Variants in CADM2 observed in about 807,000 individuals in gnomAD.
The protein encoded by CADM2 is cell adhesion molecule 2.
Under a neutral mutation model 49.8 loss-of-function variants are expected in CADM2, and 12 were observed. The observed-to-expected ratio is 0.24, with a 90% CI of 0.15 to 0.39. The LOEUF (loss-of-function observed/expected upper bound fraction) is 0.39, where lower values mean the gene tolerates loss of function less well. CADM2 is among the 10% of genes least tolerant of loss of function. CADM2 has a pLI of 1.00. For synonymous variants in CADM2, 214 were observed against 175.4 expected, an observed-to-expected ratio of 1.22 and a Z score of -1.74; for missense variants, 378 against 492.3, an observed-to-expected ratio of 0.77 and a Z score of 2.20.
chr3:85,329,520 A>T (rs2107143289), intron 1 of CADM2, among the ~76,000 whole-genome samples: 1 of 152,146 alleles, frequency 6.6e-6, no homozygotes, highest in East Asian at 1.9e-4. Context: ...CAGTGAGCCG[A>T]GATTGCACGG....
chr3:85,171,736 T>A (rs917843230), intron 1 of CADM2, among the ~76,000 whole-genome samples: 3 of 152,236 alleles, frequency 2.0e-5, no homozygotes, highest in Non-Finnish European at 4.4e-5. Flanking sequence ...CATGTTTTTC[T>A]CATTTTAGCC....
chr3:85,111,573 A>G (rs555084708), intron 1 of CADM2, among the ~76,000 whole-genome samples: 118 of 152,014 alleles, frequency 7.8e-4, no homozygotes, highest in Non-Finnish European at 1.4e-3. Flanking sequence ...AAATCAATTG[A>G]ACTCACAGAC....
intron 1 of CADM2, among the ~76,000 whole-genome samples, chr3:85,004,610 C>G (rs1407925836): frequency 6.6e-6 from 1 of 151,130 alleles, no homozygotes; most frequent in Non-Finnish European, 1.5e-5. Context: ...TCTTGGTAGA[C>G]CAATATCTGA....
At position 84,975,398 on chromosome 3, in the gene CADM2, A is replaced by G. The variant is rs544288213; in HGVS notation, c.61+15730A>G. 3.9e-5 allele frequency among the ~76,000 whole-genome samples: 6 copies of G among 151,902 alleles called. No individual in the cohort carries two copies. In the East Asian group the frequency reaches 1.2e-3, roughly 29 times the overall value. On this transcript the variant is annotated intron_variant, in intron 1 of 9. Coordinates refer to ENST00000383699, the MANE Select transcript of CADM2 (RefSeq NM_001167675.2). Reference sequence around the variant, plus strand: ...TAAGGGATTGCATTTTTTTTCATCAAAAATCATCCGGTGTACTGTATAAGC... The same window carrying G: ...TAAGGGATTGCATTTTTTTTCATCAGAAATCATCCGGTGTACTGTATAAGC...
intron 1 of CADM2, among the ~76,000 whole-genome samples, chr3:85,144,990 C>A (rs1175542298): frequency 6.6e-6 from 1 of 152,058 alleles, no homozygotes; most frequent in Non-Finnish European, 1.5e-5. Flanking sequence ...ACACTTTGTA[C>A]CTCTTTCTAA....
chr3:85,872,392 T>C (rs1464624070), intron 3 of CADM2, among the ~76,000 whole-genome samples: 1 of 152,210 alleles, frequency 6.6e-6, no homozygotes, highest in East Asian at 1.9e-4. Flanking sequence ...CAATGTGTTC[T>C]TTTATTGTGA....
intron 1 of CADM2, among the ~76,000 whole-genome samples, chr3:85,281,744 G>T (rs542118934): frequency 1.3e-5 from 2 of 152,180 alleles, no homozygotes; most frequent in South Asian, 4.1e-4. Flanking sequence ...TCTCAAGATG[G>T]TTGAGTAGTT....
At chr3:85,043,307 C>A (rs1328889954) in intron 1 of CADM2, among the ~76,000 whole-genome samples, 1 of 151,852 alleles carries the variant, frequency 6.6e-6, no homozygotes, top group Non-Finnish European at 1.5e-5. Flanking sequence ...TTGAAATAAT[C>A]AATATGCCAA....
chr3:86,014,100 A>T lies in CADM2; in HGVS notation c.971-51505A>T, dbSNP rs1184430233. ...AGAAAGGGGTAAAGAACTGAAGGAA[A>T]TCTGCCATTTTCAGTGGACACGCAG... is the stretch of plus-strand genomic sequence containing the variant. On this transcript the variant is annotated intron_variant, in intron 8 of 9. Transcript: ENST00000383699. The T allele has an allele frequency of 7.0e-6, 9 of 1,290,104 alleles. No individual in the cohort carries two copies. The African/African-American group carries it at 1.0e-4, about 15-fold the overall frequency. 79.9% of individuals were successfully genotyped at this position (1,290,104 alleles called of 1,614,324 possible).
intron 1 of CADM2, among the ~76,000 whole-genome samples, chr3:85,062,711 G>T (rs559266966): frequency 6.6e-6 from 1 of 151,790 alleles, no homozygotes; most frequent in Non-Finnish European, 1.5e-5. Context: ...TTATTTTCAA[G>T]ATTTGAATAT....
chr3:85,761,012 A>T (rs1008569884), intron 2 of CADM2, among the ~76,000 whole-genome samples: 1 of 152,190 alleles, frequency 6.6e-6, no homozygotes, highest in African/African-American at 2.4e-5. Flanking sequence ...TTATAGTATT[A>T]GAGTTAATGC....
At chr3:85,198,807 T>C (rs1246099207) in intron 1 of CADM2, among the ~76,000 whole-genome samples, 1 of 152,060 alleles carries the variant, frequency 6.6e-6, no homozygotes, top group Non-Finnish European at 1.5e-5. Flanking sequence ...CCAGTTTTTT[T>C]ATAATTAACA....
intron 8 of CADM2, among the ~76,000 whole-genome samples, chr3:86,034,729 A>C (rs547177387): frequency 6.6e-6 from 1 of 152,136 alleles, no homozygotes; most frequent in Non-Finnish European, 1.5e-5. Context: ...TATTCTATAT[A>C]AAGAAATATT....
At chr3:85,763,340 G>C (rs965936517) in intron 2 of CADM2, among the ~76,000 whole-genome samples, 1 of 152,120 alleles carries the variant, frequency 6.6e-6, no homozygotes, top group Non-Finnish European at 1.5e-5. Flanking sequence ...CTTTACTTCT[G>C]TAAGACTCAC....
At chr3:85,495,629 G>T (rs949966962) in intron 1 of CADM2, among the ~76,000 whole-genome samples, 4 of 152,170 alleles carry the variant, frequency 2.6e-5, no homozygotes, top group Non-Finnish European at 5.9e-5. Context: ...GCCAAGAATG[G>T]TTCTGGTTCT....
At chr3:85,189,512 A>G (rs1310575835) in intron 1 of CADM2, among the ~76,000 whole-genome samples, 1 of 152,182 alleles carries the variant, frequency 6.6e-6, no homozygotes, top group Non-Finnish European at 1.5e-5. Context: ...TGAATAATGT[A>G]TATACATTTA....
rs528390061 is a variant in CADM2 at position 86,003,780 on chromosome 3, G to A, written c.970+42133G>A. 3.3e-5 allele frequency among the ~76,000 whole-genome samples: 5 copies of A among 152,188 alleles called. No individual in the cohort carries two copies. In the South Asian group the frequency reaches 1.0e-3, roughly 32 times the overall value. On this transcript the variant is annotated intron_variant, in intron 8 of 9. Coordinates refer to ENST00000383699, the MANE Select transcript of CADM2 (RefSeq NM_001167675.2). ...TAGAGGCAAACTCAAATGACTCCTG[G>A]GATCAGGTAAGTGAGTGGAAACTGT...
intron 1 of CADM2, among the ~76,000 whole-genome samples, chr3:85,096,044 G>C (rs1267510433): frequency 3.3e-5 from 5 of 152,034 alleles, no homozygotes; most frequent in Non-Finnish European, 5.9e-5. Flanking sequence ...GAGGGGAGAA[G>C]TCAATGTGAC....
chr3:85,146,797 A>G (rs1362999659), intron 1 of CADM2, among the ~76,000 whole-genome samples: 3 of 152,208 alleles, frequency 2.0e-5, no homozygotes, highest in Admixed American at 2.0e-4. Flanking sequence ...TTGAAGATTG[A>G]GAATAATTGT....
Sources: allele counts gnomAD v4.1 joint callset (sites outside exome capture counted in the v4.1 genomes callset), GRCh38; gene constraint gnomAD v4.1.1; transcripts MANE v1.5; gene names NCBI Gene and HGNC (gene_info 2026-07-23, HGNC 2026-07-21).